PHACTR3: variants seen among roughly 807,000 people sequenced by gnomAD.
The protein encoded by PHACTR3 is phosphatase and actin regulator 3.
In PHACTR3, 16 loss-of-function variants were observed where a neutral mutation model predicts 66.8. The ratio of observed to expected loss-of-function variants is 0.24; its 90% confidence interval spans 0.16 to 0.36. The LOEUF (loss-of-function observed/expected upper bound fraction) is 0.36. Ranked by LOEUF, PHACTR3 falls within the 10% of genes least tolerant of loss-of-function variation. The probability of loss-of-function intolerance (pLI) is 1.00; values close to 1 mark genes in which losing one functional copy is unlikely to be tolerated. For synonymous variants in PHACTR3, 323 were observed against 292.1 expected (o/e 1.11, Z -1.08); for missense variants, 647 against 719.9 (o/e 0.90, Z 1.16).
intron 7 of PHACTR3, among the ~76,000 whole-genome samples, chr20:59,774,961 A>G (rs1270694231): frequency 1.3e-5 from 2 of 152,166 alleles, no homozygotes; most frequent in African/African-American, 4.8e-5. Flanking sequence ...AGATTGCTCT[A>G]TTGATCTCAA....
At chr20:59,591,965 T>G (rs983929830) in intron 1 of PHACTR3, among the ~76,000 whole-genome samples, 1 of 152,172 alleles carries the variant, frequency 6.6e-6, no homozygotes, top group African/African-American at 2.4e-5. Flanking sequence ...GCCGTGGCTC[T>G]AAGAGGTCAC....
chr20:59,658,185 C>G (rs2035687118), intron 1 of PHACTR3, among the ~76,000 whole-genome samples: 1 of 152,052 alleles, frequency 6.6e-6, no homozygotes, highest in African/African-American at 2.4e-5. Flanking sequence ...TCTTTATTGA[C>G]ATTATCTATT....
intron 8 of PHACTR3, among the ~76,000 whole-genome samples, chr20:59,814,166 G>A (rs933245565): frequency 3.9e-5 from 6 of 152,170 alleles, no homozygotes; most frequent in African/African-American, 1.4e-4. Flanking sequence ...TCTGGGAAAC[G>A]CCCCTCTGCT....
rs375807830 is a variant in PHACTR3 at position 59,693,601 on chromosome 20, T to C, written c.119-49506T>C. Among the ~76,000 whole-genome samples the C allele has an allele frequency of 5.3e-5, 8 of 152,340 alleles. No homozygotes were observed. In the South Asian group the frequency reaches 1.7e-3, roughly 32 times the overall value. On this transcript the variant is annotated intron_variant, in intron 1 of 12. Coordinates refer to ENST00000371015, the MANE Select transcript of PHACTR3 (RefSeq NM_080672.5). ...CTACTTCTGAGACTGAGGTGGTACC[T>C]GGTGTATCAGTTACCTGTTTCTGGC...
At chr20:59,701,423 C>T (rs2037500541) in intron 1 of PHACTR3, among the ~76,000 whole-genome samples, 1 of 152,172 alleles carries the variant, frequency 6.6e-6, no homozygotes, top group Admixed American at 6.5e-5. Context: ...CTGGCTGCTG[C>T]CTCTTTGGCT....
chr20:59,781,528 C>T (rs977276599), intron 7 of PHACTR3, among the ~76,000 whole-genome samples: 2 of 152,182 alleles, frequency 1.3e-5, no homozygotes, highest in African/African-American at 4.8e-5. Flanking sequence ...AGACAACGCT[C>T]ATGGAGGGCC....
Position 59,678,950 on chromosome 20 carries a change from CA to C in PHACTR3, c.119-64156del, listed in dbSNP as rs1348854605. On this transcript the variant is annotated intron_variant, in intron 1 of 12. Coordinates refer to ENST00000371015, the MANE Select transcript of PHACTR3 (RefSeq NM_080672.5). Reference sequence around the variant, plus strand: ...CCCACTGGCAGAGTTTCTGAGTTAGCAGGTCTGGGTGGGGTGGGGGGGCAAG... The same window carrying C: ...CCCACTGGCAGAGTTTCTGAGTTAGCGGTCTGGGTGGGGTGGGGGGGCAAG... 8.6e-5 allele frequency among the ~76,000 whole-genome samples: 12 copies of C among 139,650 alleles called. No individual in the cohort carries two copies. The East Asian group carries it at 2.1e-3, about 24-fold the overall frequency. 91.6% of individuals were successfully genotyped at this position (139,650 alleles called of 152,430 possible). A position where few individuals can be genotyped will look rare whatever the true frequency, so the allele number is the denominator to read the frequency against.
At chr20:59,643,758 C>T (rs550522425) in intron 1 of PHACTR3, among the ~76,000 whole-genome samples, 12 of 152,172 alleles carry the variant, frequency 7.9e-5, no homozygotes, top group Middle Eastern at 3.4e-3. Flanking sequence ...GGCAAATGCA[C>T]GGGTGCTGGT....
chr20:59,609,138 C>T (rs1008248716), intron 1 of PHACTR3, among the ~76,000 whole-genome samples: 1 of 152,194 alleles, frequency 6.6e-6, no homozygotes, highest in Non-Finnish European at 1.5e-5. Context: ...GCAGCTGCAT[C>T]CTTCTGCAGG....
intron 5 of PHACTR3, among the ~76,000 whole-genome samples, chr20:59,771,811 C>A (rs145043079): frequency 4.6e-5 from 7 of 152,330 alleles, no homozygotes; most frequent in African/African-American, 1.7e-4. Context: ...TTTACAGTTT[C>A]CTTTTGGGTT....
chr20:59,670,605 T>TGGGG (rs34092952), intron 1 of PHACTR3, among the ~76,000 whole-genome samples: 1 of 47,126 alleles, frequency 2.1e-5, no homozygotes, highest in African/African-American at 4.8e-5. Flanking sequence ...CTGCCGGGGG[T>TGGGG]GGGGGGGGGG....
rs751117828 is a variant in PHACTR3, at chr20:59,806,212, G to A, written c.1328+18G>A. 20 of 1,611,742 alleles carry A rather than the reference G, an allele frequency of 1.2e-5. No homozygotes were observed. Among genetic ancestry groups the A allele is most frequent in the Non-Finnish European group, 1.6e-5 (19 of 1,178,824 alleles). The stretch of plus-strand genomic sequence containing the variant: ...CTTTCCAAGTAAGTGGCAGCTTGCG[G>A]GCACAGCCGGGCCTGTGCTCTGGCC... On this transcript the variant is annotated intron_variant, in intron 8 of 12. Transcript: ENST00000371015.
intron 1 of PHACTR3, among the ~76,000 whole-genome samples, chr20:59,713,010 T>C (rs1315222854): frequency 6.6e-6 from 1 of 152,256 alleles, no homozygotes. Context: ...AGATATGAAA[T>C]AATATTGGAT....
At chr20:59,752,207 C>T (rs1022708294) in intron 3 of PHACTR3, among the ~76,000 whole-genome samples, 12 of 152,332 alleles carry the variant, frequency 7.9e-5, no homozygotes, top group African/African-American at 1.7e-4. Flanking sequence ...CACACATGCA[C>T]GTGCACCTGT....
intron 8 of PHACTR3, among the ~76,000 whole-genome samples, chr20:59,822,039 C>CAATCCCACCCCTTCCCCA (rs2042052144): frequency 2.3e-5 from 3 of 130,696 alleles, no homozygotes; most frequent in African/African-American, 8.5e-5. Context: ...CCTTCCCCAG[C>CAATCCCACCCCTTCCCCA]GATCCCACCC....
chr20:59,701,223 A>C (rs1399959811), intron 1 of PHACTR3, among the ~76,000 whole-genome samples: 1 of 152,238 alleles, frequency 6.6e-6, no homozygotes, highest in African/African-American at 2.4e-5. Flanking sequence ...TCCTGTGCTC[A>C]TGGCAGGCTG....
At chr20:59,793,815 G>T (rs913952352) in intron 7 of PHACTR3, among the ~76,000 whole-genome samples, 5 of 151,692 alleles carry the variant, frequency 3.3e-5, no homozygotes, top group African/African-American at 1.2e-4. Flanking sequence ...TTTGTTGAAT[G>T]AAAGTAGTAA....
chr20:59,826,586 C>T (rs895850253), intron 8 of PHACTR3, among the ~76,000 whole-genome samples: 2 of 152,162 alleles, frequency 1.3e-5, no homozygotes, highest in African/African-American at 4.8e-5. Flanking sequence ...CTGCCTCTCA[C>T]ACCTGCTCTC....
chr20:59,642,411 C>T (rs2035136466), intron 1 of PHACTR3, among the ~76,000 whole-genome samples: 1 of 150,108 alleles, frequency 6.7e-6, no homozygotes, highest in Non-Finnish European at 1.5e-5. Flanking sequence ...TTCACAAATC[C>T]CCCCACCCCC....
Sources: allele counts gnomAD v4.1 joint callset (sites outside exome capture counted in the v4.1 genomes callset), GRCh38; gene constraint gnomAD v4.1.1; transcripts MANE v1.5; gene names NCBI Gene and HGNC (gene_info 2026-07-23, HGNC 2026-07-21).